EIPR1: variants seen among roughly 807,000 people sequenced by gnomAD.
EIPR1 encodes the protein EARP and GARP complex-interacting protein 1.
EIPR1 carries 25 observed loss-of-function variants against 48.1 expected under a neutral mutation model. That is an observed-to-expected ratio of 0.52 (90% CI 0.38 to 0.73). The LOEUF (loss-of-function observed/expected upper bound fraction) is 0.73, where lower values mean the gene tolerates loss of function less well. Among genes scored for constraint, EIPR1 ranks in the 30% least tolerant of loss-of-function variants. EIPR1 has a pLI of 0.00. For missense variants in EIPR1, 415 were observed against 506.2 expected (o/e 0.82, Z 1.73); for synonymous variants, 204 against 201.9 (o/e 1.01, Z -0.09).
At chr2:3,237,559 T>C (rs1666452347) in intron 4 of EIPR1, among the ~76,000 whole-genome samples, 1 of 152,176 alleles carries the variant, frequency 6.6e-6, no homozygotes. Context: ...CTATCAGCCG[T>C]TTCAGGGGTC....
In EIPR1 at chr2:3,203,075, G is replaced by C. The variant is rs188213155; in HGVS notation, c.517-6058C>G. On this transcript the variant is annotated intron_variant, in intron 5 of 8. Transcript: ENST00000382125. ...TACTCAATGCCAGGCCCTGTGCGGA[G>C]CATTTATGCTCATTTCCTAGTGAAA... Among the ~76,000 whole-genome samples the C allele has an allele frequency of 5.8e-4, 89 of 152,344 alleles. No individual in the cohort carries two copies. The Middle Eastern group carries it at 0.014, about 23-fold the overall frequency.
At chr2:3,376,809 C>CA (rs1659900049) in intron 1 of EIPR1, among the ~76,000 whole-genome samples, 1 of 152,174 alleles carries the variant, frequency 6.6e-6, no homozygotes, top group Non-Finnish European at 1.5e-5. Flanking sequence ...ATCTGTCCCT[C>CA]AGTGCTTTAG....
chr2:3,232,010 A>G (rs1666258318), intron 4 of EIPR1, among the ~76,000 whole-genome samples: 1 of 152,072 alleles, frequency 6.6e-6, no homozygotes, highest in South Asian at 2.1e-4. Flanking sequence ...TTTAATCTCT[A>G]CTCATTGTTG....
At chr2:3,366,333 G>C (rs1318475841) in intron 1 of EIPR1, among the ~76,000 whole-genome samples, 6 of 152,092 alleles carry the variant, frequency 3.9e-5, no homozygotes, top group Non-Finnish European at 7.4e-5. Context: ...AAAAGTAAAA[G>C]AGAAAAATGC....
chr2:3,250,911 A>T lies in EIPR1; in HGVS notation c.416+6388T>A, dbSNP rs148402886. 2.2e-4 allele frequency among the ~76,000 whole-genome samples: 34 copies of T among 151,956 alleles called. No homozygotes were observed. The South Asian group carries it at 5.4e-3, about 24-fold the overall frequency. On this transcript the variant is annotated intron_variant, in intron 4 of 8. Transcript: ENST00000382125. ...GCAGATGCTGGTACCATGCTTATATAGCCTGCAGAACCCTGAGCCAAATAA... is the reference window on the plus strand; with the variant it reads ...GCAGATGCTGGTACCATGCTTATATTGCCTGCAGAACCCTGAGCCAAATAA...
At chr2:3,241,643 T>C (rs190841050) in intron 4 of EIPR1, among the ~76,000 whole-genome samples, 14 of 152,142 alleles carry the variant, frequency 9.2e-5, no homozygotes, top group Non-Finnish European at 1.8e-4. Context: ...CATAAAACGA[T>C]ATGAACAAGT....
intron 4 of EIPR1, among the ~76,000 whole-genome samples, chr2:3,229,160 T>C (rs1013979785): frequency 2.0e-5 from 3 of 152,238 alleles, no homozygotes; most frequent in African/African-American, 7.2e-5. Flanking sequence ...GCCACTGGTA[T>C]AAAATATTTG....
At chr2:3,326,657 C>T (rs1457734536) in intron 3 of EIPR1, among the ~76,000 whole-genome samples, 1 of 152,136 alleles carries the variant, frequency 6.6e-6, no homozygotes, top group Non-Finnish European at 1.5e-5. Context: ...ACCCATTCCG[C>T]GTCACACACA....
At chr2:3,342,344 G>A (rs1039810679) in intron 2 of EIPR1, among the ~76,000 whole-genome samples, 1 of 152,194 alleles carries the variant, frequency 6.6e-6, no homozygotes, top group African/African-American at 2.4e-5. Flanking sequence ...GTGTTGCTAG[G>A]GAATTTTTGT....
intron 4 of EIPR1, among the ~76,000 whole-genome samples, chr2:3,218,956 C>T (rs1481331426): frequency 6.9e-6 from 1 of 145,562 alleles, no homozygotes; most frequent in African/African-American, 2.5e-5. Flanking sequence ...AGGTGCACAC[C>T]CAGCAGGGCC....
At chr2:3,278,653 GA>G (rs1458027424) in intron 3 of EIPR1, among the ~76,000 whole-genome samples, 4 of 152,128 alleles carry the variant, frequency 2.6e-5, no homozygotes, top group Non-Finnish European at 5.9e-5. Context: ...TCTTTAAGGG[GA>G]GGGGCCTTCC....
intron 3 of EIPR1, among the ~76,000 whole-genome samples, chr2:3,280,570 T>C (rs896928): frequency 0.68 from 103,819 of 151,820 alleles, 35,847 homozygotes; most frequent in East Asian, 0.81. Flanking sequence ...CGCCTGCAGA[T>C]GGGAAGGGCT....
rs1669243842 is a variant in EIPR1 at position 3,315,034 on chromosome 2, C to A, written c.259+22983G>T. Among the ~76,000 whole-genome samples, 5 of 150,874 alleles carry A rather than the reference C, an allele frequency of 3.3e-5. No homozygotes were observed. The South Asian group carries it at 1.0e-3, about 32-fold the overall frequency. On this transcript the variant is annotated intron_variant, in intron 3 of 8. Transcript: ENST00000382125. ...GCTGCACTTACTCACATGTCCCCACCATCACCCGCCACCCGCCCCCAACAC... is the reference window on the plus strand; with the variant it reads ...GCTGCACTTACTCACATGTCCCCACAATCACCCGCCACCCGCCCCCAACAC...
At chr2:3,205,843 C>T (rs766337441) in intron 5 of EIPR1, among the ~76,000 whole-genome samples, 6 of 152,208 alleles carry the variant, frequency 3.9e-5, no homozygotes, top group Non-Finnish European at 5.9e-5. Context: ...AAAGGACCCA[C>T]GCTGCAGGGT....
At position 3,209,943 on chromosome 2, in the gene EIPR1, G is replaced by A. The variant is rs1008643984; in HGVS notation, c.516+4206C>T. Among the ~76,000 whole-genome samples the A allele has an allele frequency of 4.6e-5, 7 of 152,184 alleles. No individual in the cohort carries two copies. The East Asian group carries it at 1.2e-3, about 25-fold the overall frequency. ...GTGAAACAATTCTGTGTGACACCAC[G>A]GTAGAGGACAGGTGTCAGGACACAT... On this transcript the variant is annotated intron_variant, in intron 5 of 8. Transcript: ENST00000382125.
rs539123547 is a variant in EIPR1, at chr2:3,209,024, G to A, written c.516+5125C>T. Reference sequence around the variant, plus strand: ...CAGAAGCGGGAACAATAGTGGAGGTGGCTGACCAGCACCATCTTTTCCGGG... The same window carrying A: ...CAGAAGCGGGAACAATAGTGGAGGTAGCTGACCAGCACCATCTTTTCCGGG... On this transcript the variant is annotated intron_variant, in intron 5 of 8. Coordinates refer to ENST00000382125, the MANE Select transcript of EIPR1 (RefSeq NM_003310.5). The A allele has an allele frequency of 5.5e-6, 8 of 1,447,314 alleles. No individual in the cohort carries two copies. In the African/African-American group the frequency reaches 7.1e-5, roughly 13 times the overall value. The allele number at this position is 1,447,314 out of a possible 1,614,324, so 89.7% of individuals were successfully genotyped here. A position where few individuals can be genotyped will look rare whatever the true frequency, so the allele number is the denominator to read the frequency against.
At chr2:3,208,514 G>T in intron 5 of EIPR1, 1 of 1,542,926 alleles carries the variant, frequency 6.5e-7, no homozygotes, top group Non-Finnish European at 8.8e-7. Context: ...GGAGGTCTGT[G>T]TCTGATTAAA....
chr2:3,298,324 G>T (rs894551223), intron 3 of EIPR1: 11 of 152,142 alleles, frequency 7.2e-5, no homozygotes, highest in African/African-American at 2.7e-4. Context: ...TTTAAAACAA[G>T]ATTTGAAAGC....
intron 3 of EIPR1, among the ~76,000 whole-genome samples, chr2:3,299,966 G>A (rs1008607549): frequency 2.0e-5 from 3 of 152,184 alleles, no homozygotes; most frequent in African/African-American, 4.8e-5. Context: ...GGTCTCCAAG[G>A]TGCCTCTTGA....
Sources: gnomAD v4.1 joint callset for allele counts (sites outside exome capture counted in the v4.1 genomes callset) on GRCh38, gnomAD v4.1.1 for gene constraint, MANE v1.5 for transcripts, NCBI Gene and HGNC (gene_info 2026-07-23, HGNC 2026-07-21) for gene names.